Variants in ZNF507 observed in about 807,000 individuals in gnomAD.
ZNF507 encodes zinc finger protein 507.
Under a neutral mutation model 80.0 loss-of-function variants are expected in ZNF507, and 29 were observed. The observed-to-expected ratio is 0.36, with a 90% confidence interval of 0.27 to 0.49. The LOEUF is 0.49. Ranked by LOEUF, ZNF507 falls within the 20% of genes least tolerant of loss-of-function variation. ZNF507 has a pLI of 0.98. For synonymous variants in ZNF507, 462 were observed against 422.5 expected, an observed-to-expected ratio of 1.09 and a Z score of -1.15; for missense variants, 1,081 against 1,152.2, an observed-to-expected ratio of 0.94 and a Z score of 0.90.
At position 32,383,067 on chromosome 19, in the gene ZNF507, C is replaced by G. The variant is rs777643234; in HGVS notation, c.2846C>G (p.Ala949Gly). Residue 949 changes from alanine (A) to glycine (G), a missense_variant, in exon 7 of 7, where the codon GCT (alanine) becomes GGT (glycine). Coordinates refer to ENST00000355898, the MANE Select transcript of ZNF507 (RefSeq NM_001136156.2). ...NIILNKDHNT[A>G]LNTN The stretch of plus-strand genomic sequence containing the variant: ...ATCCTGAATAAGGACCACAATACAG[C>G]TCTAAACACAAATTAGGTGGAATAA... The G allele has an allele frequency of 2.5e-6, 4 of 1,611,564 alleles. No individual in the cohort carries two copies. The African/African-American group carries it at 5.3e-5, about 22-fold the overall frequency.
Position 32,383,081 on chromosome 19 carries a change from T to C in ZNF507, c.2860T>C (p.Ter954GlnextTer3). 1 of 1,609,158 alleles carries C rather than the reference T, an allele frequency of 6.2e-7. No homozygotes were observed. Among genetic ancestry groups the C allele is most frequent in the Non-Finnish European group, 8.5e-7 (1 of 1,176,146 alleles). Residue 954 changes from the stop codon to glutamine, a stop_lost, in exon 7 of 7, where the codon TAG becomes CAG. Coordinates refer to ENST00000355898, the MANE Select transcript of ZNF507 (RefSeq NM_001136156.2). ...KDHNTALNTN[*>Q] ...CCACAATACAGCTCTAAACACAAAT[T>C]AGGTGGAATAATGACTCGAGCAGGA...
intron 5 of ZNF507, among the ~76,000 whole-genome samples, chr19:32,371,046 G>T (rs1461995402): frequency 6.6e-6 from 1 of 152,084 alleles, no homozygotes; most frequent in Non-Finnish European, 1.5e-5. Flanking sequence ...TGTATTTTTA[G>T]ATTTATTTCT....
rs1287481194 is a variant in ZNF507 at position 32,382,392 on chromosome 19, T to G, written c.2361-75T>G. ...GGTTCGGAGGAAGGGCTATAATAAT[T>G]GTTACAGAATCATGATAATTTTTCA... On this transcript the variant is annotated intron_variant, in intron 5 of 6. Coordinates refer to ENST00000355898, the MANE Select transcript of ZNF507 (RefSeq NM_001136156.2). 1.9e-6 allele frequency: 3 copies of G among 1,557,454 alleles called. No individual in the cohort carries two copies. In the East Asian group the frequency reaches 6.8e-5, roughly 35 times the overall value.
chr19:32,381,590 A>G (rs1387018411), intron 5 of ZNF507, among the ~76,000 whole-genome samples: 1 of 152,186 alleles, frequency 6.6e-6, no homozygotes, highest in African/African-American at 2.4e-5. Flanking sequence ...CCTGGGAGAC[A>G]GAGCAAGACT....
intron 4 of ZNF507, chr19:32,357,576 A>G (rs1017962857): frequency 2.6e-5 from 4 of 152,236 alleles, no homozygotes; most frequent in African/African-American, 9.6e-5. Context: ...AATGCTTCTG[A>G]AAGAACTGAT....
At position 32,354,449 on chromosome 19, in the gene ZNF507, A is replaced by G; in HGVS notation, c.1619A>G (p.Tyr540Cys). 1.9e-6 allele frequency: 3 copies of G among 1,614,152 alleles called. No homozygotes were observed. Among genetic ancestry groups the G allele is most frequent in the Non-Finnish European group, 2.5e-6 (3 of 1,180,026 alleles). The change falls in exon 3 of 7, where the codon TAC becomes TGC. Residue 540 changes from tyrosine to cysteine, a missense_variant. By Grantham distance (194) the Tyr-to-Cys change is radical. Transcript: ENST00000355898. Reference protein sequence around the residue: ...QRQVDSTLAAYSKMMSPLKNS... With the variant: ...QRQVDSTLAACSKMMSPLKNS... ...CAAGTAGATAGTACATTGGCAGCGT[A>G]CTCAAAAATGATGTCGCCACTTAAA...
Position 32,353,316 on chromosome 19 carries a change from T to G in ZNF507, c.486T>G (p.Ile162Met), listed in dbSNP as rs765381045. The stretch of plus-strand genomic sequence containing the variant: ...TACTGATGTGCTCAGAGTGCCATAT[T>G]ACATCTAGAAGCCAGGAGGAACTTG... ...EVILMCSECH[I>M]TSRSQEELEA... The change falls in exon 3 of 7, where the codon ATT becomes ATG. Residue 162 changes from isoleucine to methionine, a missense_variant. Physicochemically the swap from Ile to Met is conservative, Grantham distance 10. Coordinates refer to ENST00000355898, the MANE Select transcript of ZNF507 (RefSeq NM_001136156.2). The G allele has an allele frequency of 6.8e-6, 11 of 1,614,142 alleles. No individual in the cohort carries two copies. Among genetic ancestry groups the G allele is most frequent in the African/African-American group, 1.3e-5 (1 of 74,944 alleles).
intron 5 of ZNF507, among the ~76,000 whole-genome samples, chr19:32,374,149 C>T (rs1339008104): frequency 2.9e-5 from 4 of 138,296 alleles, no homozygotes; most frequent in African/African-American, 8.5e-5. Context: ...TCATGCAGCT[C>T]GGAACCGTGC....
At chr19:32,352,808 G>T in intron 2 of ZNF507, 21 bp from the exon 3 acceptor site, 1 of 1,536,864 alleles carries the variant, frequency 6.5e-7, no homozygotes, top group Admixed American at 2.2e-5. Flanking sequence ...GTATTTTTCT[G>T]TTTTACATTA....
chr19:32,373,155 T>A (rs1299699938), intron 5 of ZNF507, among the ~76,000 whole-genome samples: 7 of 152,184 alleles, frequency 4.6e-5, no homozygotes, highest in African/African-American at 1.7e-4. Context: ...CTAGTCACTT[T>A]CCAAAGTCCC....
intron 5 of ZNF507, among the ~76,000 whole-genome samples, chr19:32,363,194 G>C (rs533070647): frequency 6.6e-6 from 1 of 152,252 alleles, no homozygotes; most frequent in Admixed American, 6.5e-5. Flanking sequence ...CAGAGTTTGG[G>C]CTTGGTTTCT....
chr19:32,367,609 TAGTC>T (rs1466544339), intron 5 of ZNF507, among the ~76,000 whole-genome samples: 1 of 152,232 alleles, frequency 6.6e-6, no homozygotes, highest in African/African-American at 2.4e-5. Flanking sequence ...TTTTTTGAAA[TAGTC>T]TGTTGAGTAA....
chr19:32,348,825 T>C (rs1040899634), intron 2 of ZNF507, among the ~76,000 whole-genome samples: 2 of 152,216 alleles, frequency 1.3e-5, no homozygotes, highest in Non-Finnish European at 1.5e-5. Flanking sequence ...ATCTTTTCAC[T>C]CACCCCCAGA....
At chr19:32,360,652 T>C (rs1177371620) in intron 5 of ZNF507, 34 bp downstream of exon 5, 2 of 1,173,278 alleles carry the variant, frequency 1.7e-6, no homozygotes, top group South Asian at 1.9e-5. Context: ...TTAATGTTTG[T>C]ATTAAAATAT....
chr19:32,383,164 C>T lies in ZNF507; in HGVS notation c.*81C>T, dbSNP rs1967646692. 3 of 1,500,616 alleles carry T rather than the reference C, an allele frequency of 2.0e-6. No individual in the cohort carries two copies. The highest frequency in any genetic ancestry group is 1.4e-5 in the African/African-American group (1 of 71,248). The allele number at this position is 1,500,616 out of a possible 1,614,324, so 93.0% of individuals were successfully genotyped here. On this transcript the variant is annotated 3_prime_UTR_variant, in exon 7 of 7. Coordinates refer to ENST00000355898, the MANE Select transcript of ZNF507 (RefSeq NM_001136156.2). ...TCACCTTTACGCTGTCAGACAACTT[C>T]CTGCCACAGAAGAAGTCGTTGATGT...
rs1440468631 is a variant in ZNF507, at chr19:32,387,343, A to G, written c.*4260A>G. 3.3e-5 allele frequency: 5 copies of G among 152,210 alleles called. No homozygotes were observed. Among genetic ancestry groups the G allele is most frequent in the Admixed American group, 6.5e-5 (1 of 15,272 alleles). The allele number at this position is 152,210 out of a possible 1,614,324, so 9.4% of individuals were successfully genotyped here. On this transcript the variant is annotated 3_prime_UTR_variant, in exon 7 of 7. Transcript: ENST00000355898. The stretch of plus-strand genomic sequence containing the variant: ...GACTGTATCGTGGGTCTGGTTATCC[A>G]TTTGTGCCCTAGAATCCTGGGTCAC...
At chr19:32,357,636 C>T (rs1967269692) in intron 4 of ZNF507, 1 of 152,220 alleles carries the variant, frequency 6.6e-6, no homozygotes, top group South Asian at 2.1e-4. Context: ...GATGTCATCC[C>T]TGTAAAACTC....
Position 32,352,474 on chromosome 19 carries a change from C to CTTT in ZNF507, c.-2-344_-2-342dup, listed in dbSNP as rs34217641. Reference sequence around the variant, plus strand: ...GCTCCTTTAATCAAGGAATAGGAGTCTTTTTTTTTTTTTCTTGGCATTGTG... The same window carrying CTTT: ...GCTCCTTTAATCAAGGAATAGGAGTCTTTTTTTTTTTTTTTTCTTGGCATTGTG... On this transcript the variant is annotated intron_variant, in intron 2 of 6. Coordinates refer to ENST00000355898, the MANE Select transcript of ZNF507 (RefSeq NM_001136156.2). Among the ~76,000 whole-genome samples the CTTT allele has an allele frequency of 4.1e-5, 6 of 146,294 alleles. No individual in the cohort carries two copies. In the East Asian group the frequency reaches 9.9e-4, roughly 24 times the overall value.
chr19:32,361,692 TTTCC>T (rs1429396099), intron 5 of ZNF507, among the ~76,000 whole-genome samples: 12 of 21,372 alleles, frequency 5.6e-4, no homozygotes, highest in East Asian at 3.7e-3. Context: ...CCTTCCTTCC[TTTCC>T]TTCCTTTCCT....
Sources: allele counts gnomAD v4.1 joint callset (sites outside exome capture counted in the v4.1 genomes callset), GRCh38; gene constraint gnomAD v4.1.1; transcripts MANE v1.5; gene names NCBI Gene and HGNC (gene_info 2026-07-23, HGNC 2026-07-21).